IBSP: variants seen among roughly 807,000 people sequenced by gnomAD.
IBSP encodes integrin-binding sialoprotein.
Under a neutral mutation model 25.5 loss-of-function variants are expected in IBSP, and 19 were observed. The ratio of observed to expected loss-of-function variants is 0.74; its 90% CI spans 0.52 to 1.09. IBSP has a LOEUF of 1.09. Ranked by LOEUF, IBSP falls within the 50% of genes least tolerant of loss-of-function variation. The pLI is 0.00. For synonymous variants in IBSP, 144 were observed against 137.6 expected, an observed-to-expected ratio of 1.05 and a Z score of -0.33; for missense variants, 360 against 382.3, an observed-to-expected ratio of 0.94 and a Z score of 0.49.
chr4:87,811,868 C>A lies in IBSP; in HGVS notation c.912C>A (p.Gly304=). ...AGTACAGCTACTTTAAAGGACAAGG[C>A]TACGATGGCTATGATGGTCAGAATT... ...EDEYSYFKGQ[G]YDGYDGQNYY... The change falls in exon 7 of 7, where the codon GGC becomes GGA. Residue 304 remains glycine (G), a synonymous_variant. Coordinates refer to ENST00000226284, the MANE Select transcript of IBSP (RefSeq NM_004967.4). The A allele has an allele frequency of 6.4e-7, 1 of 1,553,976 alleles. No individual in the cohort carries two copies. Among genetic ancestry groups the A allele is most frequent in the African/African-American group, 1.4e-5 (1 of 73,204 alleles).
chr4:87,802,477 T>G (rs367822205), intron 2 of IBSP, 31 bp from the exon 3 acceptor site: 33 of 1,592,444 alleles, frequency 2.1e-5, no homozygotes, highest in Non-Finnish European at 2.6e-5. Context: ...AAAAGAAAAA[T>G]TATGCAATAA....
intron 4 of IBSP, among the ~76,000 whole-genome samples, chr4:87,804,509 T>A (rs989832663): frequency 1.3e-5 from 2 of 152,210 alleles, no homozygotes; most frequent in African/African-American, 4.8e-5. Flanking sequence ...AAATTGTCAT[T>A]TTGTGATTCA....
chr4:87,810,353 A>G (rs1435329298), intron 5 of IBSP, among the ~76,000 whole-genome samples: 1 of 152,248 alleles, frequency 6.6e-6, no homozygotes, highest in Non-Finnish European at 1.5e-5. Context: ...GTATTTTTTA[A>G]TTGATAAAAT....
At chr4:87,808,950 G>T (rs1722130909) in intron 5 of IBSP, among the ~76,000 whole-genome samples, 1 of 152,084 alleles carries the variant, frequency 6.6e-6, no homozygotes, top group Non-Finnish European at 1.5e-5. Flanking sequence ...ATTTCTCGAG[G>T]CCATTTCACC....
intron 5 of IBSP, among the ~76,000 whole-genome samples, chr4:87,810,379 C>G (rs1440127957): frequency 6.6e-6 from 1 of 152,062 alleles, no homozygotes; most frequent in Non-Finnish European, 1.5e-5. Context: ...GCAGAAATAT[C>G]TAAAACATAT....
At chr4:87,802,020 T>C (rs1722024112) in intron 1 of IBSP, among the ~76,000 whole-genome samples, 1 of 152,150 alleles carries the variant, frequency 6.6e-6, no homozygotes, top group South Asian at 2.1e-4. Context: ...ATGTCAATAT[T>C]AAGAGGGCCA....
intron 5 of IBSP, among the ~76,000 whole-genome samples, chr4:87,810,242 A>G (rs1176385048): frequency 6.6e-6 from 1 of 152,174 alleles, no homozygotes; most frequent in Non-Finnish European, 1.5e-5. Context: ...AAACAAAAAC[A>G]AAAAACCTTC....
At chr4:87,806,095 T>C (rs774269754) in intron 4 of IBSP, 27 bp from the exon 5 acceptor site, 1 of 1,510,578 alleles carries the variant, frequency 6.6e-7, no homozygotes, top group Non-Finnish European at 9.2e-7. Context: ...CAGATAAGAG[T>C]ATACATACAT....
chr4:87,811,495 GTAC>G lies in IBSP; in HGVS notation c.540_542del (p.Thr181del), dbSNP rs1310799125. On this transcript the variant is annotated inframe_deletion, in exon 7 of 7. Coordinates refer to ENST00000226284, the MANE Select transcript of IBSP (RefSeq NM_004967.4). Reference sequence around the variant, plus strand: ...AACGAACAAGGCATAAACGGCACCAGTACCAACAGCACAGAGGCAGAAAACGGC... The same window carrying G: ...AACGAACAAGGCATAAACGGCACCAGCAACAGCACAGAGGCAGAAAACGGC... 1 of 1,614,036 alleles carries G rather than the reference GTAC, an allele frequency of 6.2e-7. No individual in the cohort carries two copies. Among genetic ancestry groups the G allele is most frequent in the South Asian group, 1.1e-5 (1 of 91,068 alleles).
intron 1 of IBSP, among the ~76,000 whole-genome samples, chr4:87,801,759 C>T (rs545315749): frequency 1.6e-4 from 25 of 152,076 alleles, no homozygotes; most frequent in African/African-American, 5.3e-4. Context: ...GGCTCAGCCT[C>T]TCGAGTAACT....
In IBSP at chr4:87,812,330, A is replaced by G. The variant is rs1267752955; in HGVS notation, c.*420A>G. 1 of 158,248 alleles carries G rather than the reference A, an allele frequency of 6.3e-6. No homozygotes were observed. Among genetic ancestry groups the G allele is most frequent in the Non-Finnish European group, 1.4e-5 (1 of 72,470 alleles). The allele number at this position is 158,248 out of a possible 1,614,324, so 9.8% of individuals were successfully genotyped here. On this transcript the variant is annotated 3_prime_UTR_variant, in exon 7 of 7. Transcript: ENST00000226284. Reference sequence around the variant, plus strand: ...GTGTAGTTTCTTAATCGCACTACCTATGCAACACTGTGTATTAGGTTTATC... The same window carrying G: ...GTGTAGTTTCTTAATCGCACTACCTGTGCAACACTGTGTATTAGGTTTATC...
chr4:87,810,690 A>G lies in IBSP; in HGVS notation c.331A>G (p.Thr111Ala), dbSNP rs2110058434. The G allele has an allele frequency of 6.2e-7, 1 of 1,613,924 alleles. No individual in the cohort carries two copies. The highest frequency in any genetic ancestry group is 2.2e-5 in the East Asian group (1 of 44,876). ...EAENTTLSAT[T>A]LGYGEDATPG... ...TGAGAATACCACACTTTCTGCTACA[A>G]CACTGGGCTATGGAGAGGACGCCAC... The change falls in exon 6 of 7, where the codon ACA (threonine) becomes GCA (alanine). Residue 111 changes from threonine to alanine, a missense_variant. Transcript: ENST00000226284.
chr4:87,802,306 A>C (rs764762378), intron 1 of IBSP, 42 bp from the exon 2 acceptor site: 17 of 1,219,278 alleles, frequency 1.4e-5, no homozygotes, highest in African/African-American at 3.1e-5. Flanking sequence ...TTATGCTCTT[A>C]GTTTTAATAT....
At chr4:87,811,017 A>G (rs147163350) in intron 6 of IBSP, among the ~76,000 whole-genome samples, 2 of 152,298 alleles carry the variant, frequency 1.3e-5, no homozygotes, top group African/African-American at 2.4e-5. Context: ...ATAACAGAAG[A>G]CTAAGAACAC....
chr4:87,812,031 G>T lies in IBSP; in HGVS notation c.*121G>T. 1 of 738,126 alleles carries T rather than the reference G, an allele frequency of 1.4e-6. No homozygotes were observed. Among genetic ancestry groups the T allele is most frequent in the Non-Finnish European group, 2.1e-6 (1 of 478,142 alleles). 45.7% of individuals were successfully genotyped at this position (738,126 alleles called of 1,614,324 possible). A position where few individuals can be genotyped will look rare whatever the true frequency, so the allele number is the denominator to read the frequency against. On this transcript the variant is annotated 3_prime_UTR_variant, in exon 7 of 7. Coordinates refer to ENST00000226284, the MANE Select transcript of IBSP (RefSeq NM_004967.4). ...TATTATAATGAGGAATGGTACTACC[G>T]TTCCAGATTTTCTGTAATTGCTTCT...
At position 87,810,640 on chromosome 4, in the gene IBSP, C is replaced by A. The variant is rs747891903; in HGVS notation, c.281C>A (p.Ser94Ter). ...AATGAAGGAGAAAACAATGAAGAAT[C>A]GAATGAAGATGAAGACTCTGAGGCT... The part of the protein sequence containing the change: ...TSNEGENNEE[S>*]NEDEDSEAEN... The change falls in exon 6 of 7, where the codon TCG (serine) becomes TAG (stop). Residue 94 changes from serine to a stop codon, truncating the protein, a stop_gained. Transcript: ENST00000226284. LOFTEE classifies it high-confidence loss of function. 1 of 1,613,160 alleles carries A rather than the reference C, an allele frequency of 6.2e-7. No homozygotes were observed.
intron 1 of IBSP, among the ~76,000 whole-genome samples, chr4:87,801,608 A>G (rs1038361970): frequency 6.6e-6 from 1 of 151,686 alleles, no homozygotes; most frequent in African/African-American, 2.4e-5. Context: ...TTAGCCCAAA[A>G]CCTATATAGA....
At chr4:87,804,047 C>T (rs1578042902) in intron 4 of IBSP, among the ~76,000 whole-genome samples, 1 of 152,164 alleles carries the variant, frequency 6.6e-6, no homozygotes, top group East Asian at 1.9e-4. Flanking sequence ...TATTGATAGA[C>T]CTGAGGTTTG....
At chr4:87,808,286 A>T (rs1722117719) in intron 5 of IBSP, among the ~76,000 whole-genome samples, 1 of 151,410 alleles carries the variant, frequency 6.6e-6, no homozygotes, top group South Asian at 2.1e-4. Context: ...GGTTCACGCC[A>T]TTCTCCTGCC....
Sources: gnomAD v4.1 joint callset for allele counts (sites outside exome capture counted in the v4.1 genomes callset) on GRCh38, gnomAD v4.1.1 for gene constraint, MANE v1.5 for transcripts, NCBI Gene and HGNC (gene_info 2026-07-23, HGNC 2026-07-21) for gene names.